ZNF566: variants seen among roughly 807,000 people sequenced by gnomAD.
ZNF566 encodes the protein zinc finger protein 566.
Under a neutral mutation model 32.8 loss-of-function variants are expected in ZNF566, and 27 were observed. The observed-to-expected ratio is 0.82, with a 90% CI of 0.61 to 1.14. The LOEUF (loss-of-function observed/expected upper bound fraction) is 1.14, where lower values mean the gene tolerates loss of function less well. Among genes scored for constraint, ZNF566 ranks in the 50% most tolerant of loss-of-function variants. ZNF566 has a pLI of 0.00. For synonymous variants in ZNF566, 154 were observed against 159.5 expected, an observed-to-expected ratio of 0.97 and a Z score of 0.26; for missense variants, 402 against 490.4, an observed-to-expected ratio of 0.82 and a Z score of 1.70.
chr19:36,481,529 T>C (rs1414992352), intron 1 of ZNF566, among the ~76,000 whole-genome samples: 1 of 149,928 alleles, frequency 6.7e-6, no homozygotes, highest in Non-Finnish European at 1.5e-5. Flanking sequence ...TCTCATCTAT[T>C]AGACTGGTGA....
chr19:36,448,247 A>C lies in ZNF566; in HGVS notation c.*730T>G, dbSNP rs1029388776. ...CTTCTGCAATTAAAAGATATGATACAAAGATGTGCTTAGGGAGAATGTCCA... is the reference window on the plus strand; with the variant it reads ...CTTCTGCAATTAAAAGATATGATACCAAGATGTGCTTAGGGAGAATGTCCA... On this transcript the variant is annotated 3_prime_UTR_variant, in exon 5 of 5. Coordinates refer to ENST00000452939, the MANE Select transcript of ZNF566 (RefSeq NM_001145344.1). The C allele has an allele frequency of 2.6e-5, 4 of 152,178 alleles. No individual in the cohort carries two copies. Among genetic ancestry groups the C allele is most frequent in the Non-Finnish European group, 1.5e-5 (1 of 68,012 alleles). The allele number at this position is 152,178 out of a possible 1,614,324, so 9.4% of individuals were successfully genotyped here. A position where few individuals can be genotyped will look rare whatever the true frequency, so the allele number is the denominator to read the frequency against.
chr19:36,447,849 G>C lies in ZNF566; in HGVS notation c.*1128C>G, dbSNP rs2033034792. The C allele has an allele frequency of 6.6e-6, 1 of 152,082 alleles. No individual in the cohort carries two copies. Among genetic ancestry groups the C allele is most frequent in the Non-Finnish European group, 1.5e-5 (1 of 68,028 alleles). 9.4% of individuals were successfully genotyped at this position (152,082 alleles called of 1,614,324 possible). A position where few individuals can be genotyped will look rare whatever the true frequency, so the allele number is the denominator to read the frequency against. On this transcript the variant is annotated 3_prime_UTR_variant, in exon 5 of 5. Coordinates refer to ENST00000452939, the MANE Select transcript of ZNF566 (RefSeq NM_001145344.1). The stretch of plus-strand genomic sequence containing the variant: ...GTTACCTTCAAAGGGTCTTTCTTCA[G>C]TCAAACACCCTGCCTAATGGTGACT...
intron 4 of ZNF566, among the ~76,000 whole-genome samples, chr19:36,464,439 G>A (rs2033561078): frequency 6.6e-6 from 1 of 152,178 alleles, no homozygotes; most frequent in African/African-American, 2.4e-5. Context: ...TTATAGGCAT[G>A]AGCTACCACA....
At chr19:36,487,829 G>A (rs776985675) in intron 1 of ZNF566, among the ~76,000 whole-genome samples, 1 of 150,156 alleles carries the variant, frequency 6.7e-6, no homozygotes, top group Non-Finnish European at 1.5e-5. Context: ...CCCAGGAGGC[G>A]GAGGTTGCAG....
Position 36,448,408 on chromosome 19 carries a change from T to C in ZNF566, c.*569A>G, listed in dbSNP as rs553178228. On this transcript the variant is annotated 3_prime_UTR_variant, in exon 5 of 5. Transcript: ENST00000452939. Reference sequence around the variant, plus strand: ...AAGATAATGAAGAATCTCTATTGAGTAAAATGTCGTTCATGAACATTTTTA... The same window carrying C: ...AAGATAATGAAGAATCTCTATTGAGCAAAATGTCGTTCATGAACATTTTTA... 166 of 152,252 alleles carry C rather than the reference T, an allele frequency of 1.1e-3. No homozygotes were observed. The highest frequency in any genetic ancestry group is 3.8e-3 in the African/African-American group (157 of 41,570). 9.4% of individuals were successfully genotyped at this position (152,252 alleles called of 1,614,324 possible). A position where few individuals can be genotyped will look rare whatever the true frequency, so the allele number is the denominator to read the frequency against.
intron 4 of ZNF566, among the ~76,000 whole-genome samples, chr19:36,469,473 G>GTCA (rs2033708847): frequency 2.0e-5 from 3 of 151,820 alleles, no homozygotes; most frequent in African/African-American, 7.3e-5. Flanking sequence ...CCGGGAGGTG[G>GTCA]AGGTTGCAGT....
rs74718531 is a variant in ZNF566 at position 36,458,519 on chromosome 19, G to T, written c.233-8518C>A. Among the ~76,000 whole-genome samples, 171 of 152,136 alleles carry T rather than the reference G, an allele frequency of 1.1e-3. 3 individuals carry two copies. In the East Asian group the frequency reaches 0.02, roughly 18 times the overall value. On this transcript the variant is annotated intron_variant, in intron 4 of 4. Transcript: ENST00000452939. ...TGGGGGACGGAGGAAAGAAGATATT[G>T]GTCAAAGGGTACAAAGTTCTAGTTA... is the stretch of plus-strand genomic sequence containing the variant.
Position 36,449,025 on chromosome 19 carries a change from G to C in ZNF566, c.1209C>G (p.Asn403Lys). The C allele has an allele frequency of 1.9e-6, 3 of 1,606,206 alleles. No individual in the cohort carries two copies. Among genetic ancestry groups the C allele is most frequent in the Admixed American group, 1.7e-5 (1 of 57,808 alleles). Residue 403 changes from asparagine to lysine, a missense_variant, in exon 5 of 5, where the codon AAC (asparagine) becomes AAG (lysine). Coordinates refer to ENST00000452939, the MANE Select transcript of ZNF566 (RefSeq NM_001145344.1). Reference protein sequence around the residue: ...KPYEYRECGKNFNYDPQLIQH... With the variant: ...KPYEYRECGKKFNYDPQLIQH... Reference sequence around the variant, plus strand: ...GAATAAGTTGTGGGTCATAATTAAAGTTCTTTCCACATTCCCTATATTCAT... The same window carrying C: ...GAATAAGTTGTGGGTCATAATTAAACTTCTTTCCACATTCCCTATATTCAT...
In ZNF566 at chr19:36,454,446, G is replaced by C. The variant is rs186402255; in HGVS notation, c.233-4445C>G. ...TGCATGACTATAGCCCCAGTAACTT[G>C]AGAGGCTGAGGCAGGAAGATTGCCT... On this transcript the variant is annotated intron_variant, in intron 4 of 4. Transcript: ENST00000452939. Among the ~76,000 whole-genome samples the C allele has an allele frequency of 9.2e-5, 14 of 152,226 alleles. No homozygotes were observed. In the East Asian group the frequency reaches 2.7e-3, roughly 29 times the overall value.
chr19:36,473,164 A>C, intron 3 of ZNF566, 158 bp from the exon 4 acceptor site: 1 of 1,079,286 alleles, frequency 9.3e-7, no homozygotes, highest in Non-Finnish European at 1.3e-6. Context: ...AAACATCCCC[A>C]AAAACTCAAT....
Position 36,449,198 on chromosome 19 carries a change from T to A in ZNF566, c.1036A>T (p.Lys346Ter). 6.2e-7 allele frequency: 1 copy of A among 1,614,090 alleles called. No individual in the cohort carries two copies. Among genetic ancestry groups the A allele is most frequent in the Non-Finnish European group, 8.5e-7 (1 of 1,179,998 alleles). ...EKPYECKECE[K>*]AFRSGSDLTR... Reference sequence around the variant, plus strand: ...AGGTCTGAGCCAGAACGAAAAGCCTTTTCACATTCCTTACATTCGTAAGGT... The same window carrying A: ...AGGTCTGAGCCAGAACGAAAAGCCTATTCACATTCCTTACATTCGTAAGGT... The change falls in exon 5 of 5, where the codon AAG becomes TAG. Residue 346 changes from lysine to a stop codon, truncating the protein, a stop_gained. Transcript: ENST00000452939. LOFTEE classifies it high-confidence loss of function.
chr19:36,480,825 A>G (rs2034010076), intron 1 of ZNF566, among the ~76,000 whole-genome samples: 1 of 151,554 alleles, frequency 6.6e-6, no homozygotes, highest in Admixed American at 6.6e-5. Flanking sequence ...GGAACACCTG[A>G]GGTCAGGAGT....
chr19:36,458,797 A>C lies in ZNF566; in HGVS notation c.233-8796T>G, dbSNP rs892578581. 2.4e-4 allele frequency among the ~76,000 whole-genome samples: 36 copies of C among 152,190 alleles called. 1 individual carries two copies. The highest frequency in any genetic ancestry group is 7.3e-5 in the Non-Finnish European group (5 of 68,032). ...TACATTAATTGGCTTGATTATGGTA[A>C]TCATTTCACAATGTATACACATATA... On this transcript the variant is annotated intron_variant, in intron 4 of 4. Coordinates refer to ENST00000452939, the MANE Select transcript of ZNF566 (RefSeq NM_001145344.1).
chr19:36,480,278 AT>A (rs972968387), intron 1 of ZNF566, among the ~76,000 whole-genome samples: 4 of 136,896 alleles, frequency 2.9e-5, no homozygotes, highest in Admixed American at 7.2e-5. Flanking sequence ...ACTCCATGCA[AT>A]TTTTTTTTCT....
rs1463500334 is a variant in ZNF566 at position 36,448,640 on chromosome 19, A to G, written c.*337T>C. On this transcript the variant is annotated 3_prime_UTR_variant, in exon 5 of 5. Transcript: ENST00000452939. Reference sequence around the variant, plus strand: ...AGAGAAATTAGGGGAAAAAATGACAATCACAGGACTACATTTCTACAAAAA... The same window carrying G: ...AGAGAAATTAGGGGAAAAAATGACAGTCACAGGACTACATTTCTACAAAAA... The G allele has an allele frequency of 5.6e-6, 1 of 178,168 alleles. No homozygotes were observed. Among genetic ancestry groups the G allele is most frequent in the Non-Finnish European group, 1.2e-5 (1 of 85,986 alleles). The allele number at this position is 178,168 out of a possible 1,614,324, so 11.0% of individuals were successfully genotyped here.
chr19:36,454,819 C>T (rs1337834104), intron 4 of ZNF566, among the ~76,000 whole-genome samples: 1 of 152,146 alleles, frequency 6.6e-6, no homozygotes, highest in Non-Finnish European at 1.5e-5. Flanking sequence ...GAAGAATTAA[C>T]TCCAGTTCTC....
chr19:36,457,819 A>G (rs1451111219), intron 4 of ZNF566, among the ~76,000 whole-genome samples: 1 of 152,198 alleles, frequency 6.6e-6, no homozygotes, highest in Non-Finnish European at 1.5e-5. Context: ...TGAACCCCGG[A>G]GGCGGAGGTT....
intron 1 of ZNF566, among the ~76,000 whole-genome samples, chr19:36,483,145 A>G (rs978230566): frequency 3.3e-5 from 5 of 152,346 alleles, no homozygotes; most frequent in Middle Eastern, 3.4e-3. Flanking sequence ...CCAACTTACT[A>G]GCTTACAACT....
Position 36,449,180 on chromosome 19 carries a change from AG to A in ZNF566, c.1053del (p.Ser352GlnfsTer96). ...ATTCTCTGATGTCTAGTAAGGTCTG[AG>A]CCAGAACGAAAAGCCTTTTCACATT... ...CKECEKAFRSGSDLTRHQRIH... is the reference protein window; with the variant it reads ...CKECEKAFRSXSDLTRHQRIH... On this transcript the variant is annotated frameshift_variant, in exon 5 of 5. Transcript: ENST00000452939. LOFTEE classifies it high-confidence loss of function. 1 of 1,614,076 alleles carries A rather than the reference AG, an allele frequency of 6.2e-7. No individual in the cohort carries two copies. Among genetic ancestry groups the A allele is most frequent in the South Asian group, 1.1e-5 (1 of 91,074 alleles).
Sources: allele counts gnomAD v4.1 joint callset (sites outside exome capture counted in the v4.1 genomes callset), GRCh38; gene constraint gnomAD v4.1.1; transcripts MANE v1.5; gene names NCBI Gene and HGNC (gene_info 2026-07-23, HGNC 2026-07-21).